The following SULT1E1 variants were observed in gnomAD, a reference collection of about 807,000 sequenced individuals.
SULT1E1 encodes the protein sulfotransferase 1E1.
A neutral mutation model predicts 33.6 loss-of-function variants in SULT1E1; 36 were observed. The ratio of observed to expected loss-of-function variants is 1.07; its 90% confidence interval spans 0.82 to 1.41. The LOEUF is 1.41. SULT1E1 is among the 40% of genes most tolerant of loss of function. SULT1E1 has a pLI of 0.00. For missense variants in SULT1E1, 371 were observed against 345.7 expected (o/e 1.07, Z -0.58); for synonymous variants, 121 against 111.7 (o/e 1.08, Z -0.53).
chr4:69,824,734 TAATCAGCACTCTGTAAAATGGACC>T, the SULT1E1 span, among the ~76,000 whole-genome samples: 1 of 151,152 alleles, frequency 6.6e-6, no homozygotes, highest in Non-Finnish European at 1.5e-5. Flanking sequence ...TAAAATGGAC[TAATCAGCACTCTGTAAAATGGACC>T]AATCAGCACT....
In SULT1E1 at chr4:69,855,303, T is replaced by C. The variant is rs767488336; in HGVS notation, c.269A>G (p.Asn90Ser). Residue 90 changes from asparagine (N) to serine (S), a missense_variant and splice_region_variant, in exon 3 of 8, where the codon AAT (asparagine) becomes AGT (serine). Transcript: ENST00000226444. The part of the protein sequence containing the change: ...FLECRKENLM[N>S]GVKQLDEMNS... ...TTTAAAATCAACTTGAACGTTACCA[T>C]TCATGAGGTTTTCTTTTCTGCATTC... 20 of 1,611,894 alleles carry C rather than the reference T, an allele frequency of 1.2e-5. No individual in the cohort carries two copies. Among genetic ancestry groups the C allele is most frequent in the South Asian group, 1.2e-4 (11 of 90,922 alleles).
At position 69,842,004 on chromosome 4, in the gene SULT1E1, G is replaced by C. The variant is rs1453193404; in HGVS notation, c.875C>G (p.Thr292Ser). 1 of 1,591,990 alleles carries C rather than the reference G, an allele frequency of 6.3e-7. No homozygotes were observed. The highest frequency in any genetic ancestry group is 8.6e-7 in the Non-Finnish European group (1 of 1,165,146). Residue 292 changes from threonine (T) to serine (S), a missense_variant, in exon 8 of 8, where the codon ACT becomes AGT. Physicochemically the swap from Thr to Ser is moderately conservative, Grantham distance 58. Coordinates refer to ENST00000226444, the MANE Select transcript of SULT1E1 (RefSeq NM_005420.3). ...QMKESTLKFR[T>S]EI ...TAAAGAAAGACCTTCTTAGATCTCA[G>C]TTCGAAACTTCAGTGTAGATTCCTT...
At chr4:69,848,666 T>A (rs1300382199) in intron 5 of SULT1E1, among the ~76,000 whole-genome samples, 1 of 151,886 alleles carries the variant, frequency 6.6e-6, no homozygotes, top group Non-Finnish European at 1.5e-5. Flanking sequence ...TTAGCAAAAA[T>A]TTTCCCAAAA....
At chr4:69,826,124 T>G in the SULT1E1 span, among the ~76,000 whole-genome samples, 1 of 152,100 alleles carries the variant, frequency 6.6e-6, no homozygotes, top group East Asian at 1.9e-4. Flanking sequence ...ACTGTATTCT[T>G]CCTATTCATA....
At chr4:69,843,949 A>G (rs1265154214) in intron 7 of SULT1E1, among the ~76,000 whole-genome samples, 2 of 152,198 alleles carry the variant, frequency 1.3e-5, no homozygotes, top group Non-Finnish European at 2.9e-5. Flanking sequence ...TCTGCTAGTT[A>G]TTTTAACATA....
At chr4:69,836,554 G>T (rs1720799685), downstream of SULT1E1, among the ~76,000 whole-genome samples, 1 of 152,036 alleles carries the variant, frequency 6.6e-6, no homozygotes, top group Admixed American at 6.6e-5. Flanking sequence ...GGAATCCCTG[G>T]GGCCTTATAA....
the SULT1E1 span, among the ~76,000 whole-genome samples, chr4:69,823,059 G>T: frequency 2.1e-3 from 325 of 152,286 alleles, 1 homozygote; most frequent in African/African-American, 7.4e-3. Context: ...AATCAGGAGG[G>T]CAAGAGAGAC....
In SULT1E1 at chr4:69,841,893, A is replaced by C. The variant is rs754309734; in HGVS notation, c.*101T>G. 1.5e-6 allele frequency: 1 copy of C among 679,302 alleles called. No homozygotes were observed. The highest frequency in any genetic ancestry group is 2.4e-6 in the Non-Finnish European group (1 of 417,906). The allele number at this position is 679,302 out of a possible 1,614,324, so 42.1% of individuals were successfully genotyped here. A position where few individuals can be genotyped will look rare whatever the true frequency, so the allele number is the denominator to read the frequency against. Reference sequence around the variant, plus strand: ...AATTTAAAAAGAAAATGTCAACATAATCCATGATTATGTCTTTTCTAGCAA... The same window carrying C: ...AATTTAAAAAGAAAATGTCAACATACTCCATGATTATGTCTTTTCTAGCAA... On this transcript the variant is annotated 3_prime_UTR_variant, in exon 8 of 8. Coordinates refer to ENST00000226444, the MANE Select transcript of SULT1E1 (RefSeq NM_005420.3).
At chr4:69,835,663 T>C in the SULT1E1 span, among the ~76,000 whole-genome samples, 1 of 152,376 alleles carries the variant, frequency 6.6e-6, no homozygotes, top group East Asian at 1.9e-4. Flanking sequence ...GATTTCTATA[T>C]CATACACTAA....
chr4:69,834,401 C>A, the SULT1E1 span, among the ~76,000 whole-genome samples: 1 of 152,176 alleles, frequency 6.6e-6, no homozygotes, highest in Non-Finnish European at 1.5e-5. Flanking sequence ...ACCTTGTCTT[C>A]TCTCACTTCC....
rs746588635 is a variant in SULT1E1 at position 69,847,756 on chromosome 4, C to T, written c.533G>A (p.Trp178Ter). The change falls in exon 6 of 8, where the codon TGG (tryptophan) becomes TAG (stop). Residue 178 changes from tryptophan (W) to a stop codon, truncating the protein, a stop_gained. Transcript: ENST00000226444. LOFTEE classifies it high-confidence loss of function. ...YGSWYKHVKS[W>*]WEKGKSPRVL... ...ACGTGGACTCTTTCCCTTTTCCCAC[C>T]AAGATTTTACATGTTTATACCAGGA... is the stretch of plus-strand genomic sequence containing the variant. The T allele has an allele frequency of 6.2e-7, 1 of 1,608,392 alleles. No individual in the cohort carries two copies. Among genetic ancestry groups the T allele is most frequent in the African/African-American group, 1.3e-5 (1 of 74,490 alleles).
At chr4:69,821,613 C>T in the SULT1E1 span, among the ~76,000 whole-genome samples, 396 of 152,276 alleles carry the variant, frequency 2.6e-3, 4 homozygotes, top group African/African-American at 9.3e-3. Context: ...CTAGATCATT[C>T]CATCCTGACA....
At chr4:69,854,167 A>G in intron 4 of SULT1E1, 50 bp downstream of exon 4, 7 of 1,359,954 alleles carry the variant, frequency 5.1e-6, no homozygotes, top group Non-Finnish European at 7.3e-6. Flanking sequence ...AGATCACTCT[A>G]TCATTTCTTG....
chr4:69,841,288 G>T lies in SULT1E1; in HGVS notation c.*706C>A, dbSNP rs1017277152. The T allele has an allele frequency of 1.3e-5, 2 of 151,932 alleles. No individual in the cohort carries two copies. Among genetic ancestry groups the T allele is most frequent in the Non-Finnish European group, 2.9e-5 (2 of 68,012 alleles). 9.4% of individuals were successfully genotyped at this position (151,932 alleles called of 1,614,324 possible). A position where few individuals can be genotyped will look rare whatever the true frequency, so the allele number is the denominator to read the frequency against. On this transcript the variant is annotated 3_prime_UTR_variant, in exon 8 of 8. Coordinates refer to ENST00000226444, the MANE Select transcript of SULT1E1 (RefSeq NM_005420.3). ...CTGTGTTACTACATCATTCCCATAG[G>T]TTATAGTTGTGCATGATATTTATAA...
chr4:69,846,699 T>G (rs576208606), intron 6 of SULT1E1, among the ~76,000 whole-genome samples: 1 of 151,852 alleles, frequency 6.6e-6, no homozygotes. Context: ...ACAAGTTGTT[T>G]CCAGTGTTTG....
At chr4:69,849,739 A>C (rs1721064121) in intron 4 of SULT1E1, among the ~76,000 whole-genome samples, 176 bp from the exon 5 acceptor site, 1 of 152,042 alleles carries the variant, frequency 6.6e-6, no homozygotes, top group Non-Finnish European at 1.5e-5. Flanking sequence ...CTGAGGTGAC[A>C]GTGGTTTTTG....
chr4:69,837,183 C>T (rs1465030216), downstream of SULT1E1, among the ~76,000 whole-genome samples: 1 of 151,902 alleles, frequency 6.6e-6, no homozygotes. Flanking sequence ...TTCACAAGGA[C>T]TTTCCATGTG....
At chr4:69,850,896 T>C (rs2110070256) in intron 4 of SULT1E1, among the ~76,000 whole-genome samples, 1 of 152,242 alleles carries the variant, frequency 6.6e-6, no homozygotes, top group South Asian at 2.1e-4. Context: ...ATCCCAAACT[T>C]TTTACTGTAC....
In SULT1E1 at chr4:69,841,840, C is replaced by CAA. The variant is rs35543098; in HGVS notation, c.*152_*153dup. On this transcript the variant is annotated 3_prime_UTR_variant, in exon 8 of 8. Coordinates refer to ENST00000226444, the MANE Select transcript of SULT1E1 (RefSeq NM_005420.3). ...TAGGCAACAGAGTGAGACTCTGTCT[C>CAA]AAAAAAAAAAAAAAAAAGTTAAACA... The CAA allele has an allele frequency of 0.21, 64,802 of 302,322 alleles. 4,261 individuals are homozygous for CAA. Among genetic ancestry groups the CAA allele is most frequent in the Admixed American group, 0.31 (4,636 of 14,872 alleles). The allele number at this position is 302,322 out of a possible 1,614,324, so 18.7% of individuals were successfully genotyped here.
Sources: gnomAD v4.1 joint callset for allele counts (sites outside exome capture counted in the v4.1 genomes callset) on GRCh38, gnomAD v4.1.1 for gene constraint, MANE v1.5 for transcripts, NCBI Gene and HGNC (gene_info 2026-07-23, HGNC 2026-07-21) for gene names.